The following DISP1 variants were observed in gnomAD, a reference collection of about 807,000 sequenced individuals.
DISP1 encodes the protein protein dispatched homolog 1.
DISP1 carries 30 observed loss-of-function variants against 37.3 expected under a neutral mutation model. The observed-to-expected ratio is 0.80, with a 90% CI of 0.60 to 1.09. The LOEUF (loss-of-function observed/expected upper bound fraction) is 1.09. DISP1 is among the 50% of genes least tolerant of loss of function. The probability of loss-of-function intolerance (pLI) is 0.00; values close to 1 mark genes in which losing one functional copy is unlikely to be tolerated. For missense variants in DISP1, 1,598 were observed against 1,879.5 expected (o/e 0.85, Z 2.77); for synonymous variants, 634 against 690.2 (o/e 0.92, Z 1.28).
intron 4 of DISP1, among the ~76,000 whole-genome samples, chr1:222,987,086 A>G (rs116705732): frequency 0.011 from 1,721 of 151,862 alleles, 38 homozygotes; most frequent in African/African-American, 0.039. Context: ...ATATATATAT[A>G]TATTTGTGAG....
At chr1:222,985,394 A>G (rs1162513254) in intron 4 of DISP1, among the ~76,000 whole-genome samples, 3 of 152,208 alleles carry the variant, frequency 2.0e-5, no homozygotes, top group Admixed American at 6.5e-5. Flanking sequence ...GCTCACGCCT[A>G]TAATCCCAGC....
intron 3 of DISP1, among the ~76,000 whole-genome samples, chr1:222,976,498 A>G (rs1274633385): frequency 1.3e-5 from 2 of 152,218 alleles, no homozygotes; most frequent in East Asian, 1.9e-4. Flanking sequence ...CCATTTGTAT[A>G]GAAACTTCAG....
At chr1:222,933,456 A>G (rs527963688) in intron 2 of DISP1, among the ~76,000 whole-genome samples, 4 of 151,958 alleles carry the variant, frequency 2.6e-5, no homozygotes, top group Non-Finnish European at 4.4e-5. Context: ...TTCTCACTGT[A>G]AAAGAATGCT....
At position 222,844,545 on chromosome 1, in the gene DISP1, G is replaced by A. The variant is rs562331070; in HGVS notation, c.-159+29467G>A. Among the ~76,000 whole-genome samples the A allele has an allele frequency of 2.0e-5, 3 of 152,150 alleles. No individual in the cohort carries two copies. The East Asian group carries it at 5.8e-4, about 29-fold the overall frequency. The stretch of plus-strand genomic sequence containing the variant: ...GTTAAAACAAATTCTAACATTTGGT[G>A]TTCATTAGTGTTGTAACTGAAACAA... On this transcript the variant is annotated intron_variant, in intron 1 of 8. Coordinates refer to ENST00000675850, the MANE Select transcript of DISP1 (RefSeq NM_001377229.1).
intron 3 of DISP1, among the ~76,000 whole-genome samples, chr1:222,969,370 CAAAAAAAAA>C (rs71178518): frequency 3.3e-5 from 1 of 29,866 alleles, no homozygotes; most frequent in African/African-American, 1.0e-4. Context: ...AACTTGGTCT[CAAAAAAAAA>C]AAAAAAAATT....
intron 3 of DISP1, among the ~76,000 whole-genome samples, chr1:222,969,370 C>CAAAAAAAAAA (rs71178518): frequency 0.038 from 1,113 of 29,094 alleles, 70 homozygotes; most frequent in African/African-American, 0.064. Flanking sequence ...AACTTGGTCT[C>CAAAAAAAAAA]AAAAAAAAAA....
intron 3 of DISP1, among the ~76,000 whole-genome samples, chr1:222,958,206 G>T (rs1461646195): frequency 6.6e-6 from 1 of 152,120 alleles, no homozygotes; most frequent in East Asian, 1.9e-4. Context: ...TTCTGTCATT[G>T]TTCACTGCAG....
chr1:222,841,243 ATTATT>A (rs2125290417), intron 1 of DISP1, among the ~76,000 whole-genome samples: 1 of 152,208 alleles, frequency 6.6e-6, no homozygotes, highest in Non-Finnish European at 1.5e-5. Flanking sequence ...CTTATTATAC[ATTATT>A]TTAAGTAGTT....
intron 8 of DISP1, among the ~76,000 whole-genome samples, chr1:223,000,194 C>A (rs150858135): frequency 6.1e-4 from 93 of 152,254 alleles, no homozygotes; most frequent in African/African-American, 2.0e-3. Context: ...GGATACAGTT[C>A]ATTTTCTTCC....
intron 3 of DISP1, among the ~76,000 whole-genome samples, chr1:222,955,346 A>C (rs1311945121): frequency 6.6e-6 from 1 of 152,082 alleles, no homozygotes; most frequent in Non-Finnish European, 1.5e-5. Context: ...CGACCTCCCA[A>C]ATTGTTGGAA....
intron 3 of DISP1, among the ~76,000 whole-genome samples, chr1:222,965,423 C>G (rs1676409025): frequency 6.6e-6 from 1 of 151,966 alleles, no homozygotes; most frequent in African/African-American, 2.4e-5. Flanking sequence ...TTTTTTCTTG[C>G]TAGTGCCCTG....
intron 7 of DISP1, 74 bp downstream of exon 7, chr1:222,992,184 G>C (rs1678751247): frequency 8.4e-7 from 1 of 1,193,114 alleles, no homozygotes; most frequent in Admixed American, 1.7e-5. Context: ...TCACAGTCTA[G>C]ACTGATAGCC....
intron 3 of DISP1, among the ~76,000 whole-genome samples, chr1:222,950,611 A>AC (rs1553334608): frequency 6.6e-6 from 1 of 151,956 alleles, no homozygotes. Context: ...AAAAAAAAAA[A>AC]CCCATGTGAG....
At chr1:222,977,316 G>A (rs990178409) in intron 3 of DISP1, among the ~76,000 whole-genome samples, 6 of 148,244 alleles carry the variant, frequency 4.0e-5, no homozygotes, top group African/African-American at 1.5e-4. Context: ...TTACAGGCAT[G>A]AGCCACCACG....
intron 1 of DISP1, among the ~76,000 whole-genome samples, chr1:222,843,968 G>A (rs937401930): frequency 3.3e-5 from 5 of 152,078 alleles, no homozygotes; most frequent in South Asian, 2.1e-4. Context: ...GCTAGGAAAG[G>A]CACCCATGGA....
In DISP1 at chr1:222,984,421, A is replaced by AAAAAT. The variant is rs1553254646; in HGVS notation, c.539+1313_539+1314insAAATA. 4.3e-3 allele frequency among the ~76,000 whole-genome samples: 454 copies of AAAAAT among 105,762 alleles called. 23 individuals are homozygous for AAAAAT. The highest frequency in any genetic ancestry group is 0.013 in the African/African-American group (340 of 25,692). 69.4% of individuals were successfully genotyped at this position (105,762 alleles called of 152,430 possible). A position where few individuals can be genotyped will look rare whatever the true frequency, so the allele number is the denominator to read the frequency against. ...TCTGTCTCAAAAAAAAAAAAAAAAA[A>AAAAAT]ATATATATATATATAGAGAGAGAGA... On this transcript the variant is annotated intron_variant, in intron 4 of 8. Coordinates refer to ENST00000675850, the MANE Select transcript of DISP1 (RefSeq NM_001377229.1).
At chr1:222,863,717 T>A (rs1669012834) in intron 1 of DISP1, among the ~76,000 whole-genome samples, 1 of 152,184 alleles carries the variant, frequency 6.6e-6, no homozygotes, top group South Asian at 2.1e-4. Flanking sequence ...TTTGAATTCA[T>A]AGATACTTAT....
intron 1 of DISP1, among the ~76,000 whole-genome samples, chr1:222,854,043 T>A (rs1210706121): frequency 6.6e-6 from 1 of 152,168 alleles, no homozygotes; most frequent in Admixed American, 6.5e-5. Flanking sequence ...CTCATCAAGA[T>A]TTTTGTGCCT....
chr1:222,817,835 T>A (rs1661636353), intron 1 of DISP1, among the ~76,000 whole-genome samples: 1 of 152,230 alleles, frequency 6.6e-6, no homozygotes, highest in Non-Finnish European at 1.5e-5. Flanking sequence ...ATCCCATAAA[T>A]CTTGGCACAT....
Sources: allele counts gnomAD v4.1 joint callset (sites outside exome capture counted in the v4.1 genomes callset), GRCh38; gene constraint gnomAD v4.1.1; transcripts MANE v1.5; gene names NCBI Gene and HGNC (gene_info 2026-07-23, HGNC 2026-07-21).